ADCY5: variants seen among roughly 807,000 people sequenced by gnomAD.
ADCY5 encodes adenylate cyclase 5, also known as adenylate cyclase type 5.
Under a neutral mutation model 119.7 loss-of-function variants are expected in ADCY5, and 30 were observed. That is an observed-to-expected ratio of 0.25 (90% confidence interval 0.19 to 0.34). The LOEUF (loss-of-function observed/expected upper bound fraction) is 0.34. Ranked by LOEUF, ADCY5 falls within the 10% of genes least tolerant of loss-of-function variation. The pLI is 1.00. For missense variants in ADCY5, 1,324 were observed against 1,775.2 expected, an observed-to-expected ratio of 0.75 and a Z score of 4.57; for synonymous variants, 753 against 762.2, an observed-to-expected ratio of 0.99 and a Z score of 0.20.
chr3:123,333,572 C>T (rs761434731), intron 3 of ADCY5, among the ~76,000 whole-genome samples: 1 of 152,232 alleles, frequency 6.6e-6, no homozygotes, highest in Non-Finnish European at 1.5e-5. Context: ...CTTCTGTGCT[C>T]TAACGGCACC....
At chr3:123,410,145 C>T (rs894919980) in intron 1 of ADCY5, among the ~76,000 whole-genome samples, 4 of 152,198 alleles carry the variant, frequency 2.6e-5, no homozygotes, top group Non-Finnish European at 4.4e-5. Flanking sequence ...GCCCTCAGGG[C>T]CTCCACCAGA....
chr3:123,391,006 C>T (rs1269755487), intron 1 of ADCY5, among the ~76,000 whole-genome samples: 3 of 152,266 alleles, frequency 2.0e-5, no homozygotes, highest in Non-Finnish European at 2.9e-5. Context: ...ACAAGGACAC[C>T]GTGCTGACCC....
In ADCY5 at chr3:123,289,780, G is replaced by A; in HGVS notation, c.3502C>T (p.His1168Tyr). 6.2e-7 allele frequency: 1 copy of A among 1,614,106 alleles called. No homozygotes were observed. Among genetic ancestry groups the A allele is most frequent in the South Asian group, 1.1e-5 (1 of 91,084 alleles). Residue 1168 changes from histidine (H) to tyrosine (Y), a missense_variant, in exon 19 of 21, where the codon CAC (histidine) becomes TAC (tyrosine). His to Tyr is a moderately conservative substitution (Grantham distance 83, BLOSUM62 2). This residue lies in a region of ADCY5 where 178 missense variants were observed against 329.6 expected (regional missense o/e 0.54). Coordinates refer to ENST00000462833, the MANE Select transcript of ADCY5 (RefSeq NM_183357.3). Reference protein sequence around the residue: ...LMDQMKYINEHSFNNFQMKIG... With the variant: ...LMDQMKYINEYSFNNFQMKIG... Reference sequence around the variant, plus strand: ...TTCATCTGGAAGTTGTTGAAGGAGTGCTCATTGATGTACTTCATCTGGTCC... The same window carrying A: ...TTCATCTGGAAGTTGTTGAAGGAGTACTCATTGATGTACTTCATCTGGTCC...
intron 1 of ADCY5, among the ~76,000 whole-genome samples, chr3:123,405,255 G>A (rs759428814): frequency 3.3e-5 from 5 of 152,330 alleles, no homozygotes; most frequent in Admixed American, 6.5e-5. Flanking sequence ...CCAGCCCTCC[G>A]CCAGGCTGCA....
Position 123,300,253 on chromosome 3 carries a change from C to G in ADCY5, c.2767G>C (p.Val923Leu). 6.2e-7 allele frequency: 1 copy of G among 1,613,648 alleles called. No individual in the cohort carries two copies. The highest frequency in any genetic ancestry group is 8.5e-7 in the Non-Finnish European group (1 of 1,180,048). ...SVLLSLLACSVFLQISCIGKL... is the reference protein window; with the variant it reads ...SVLLSLLACSLFLQISCIGKL... ...CCGATGCAGCTGATCTGCAGGAACA[C>G]GGAGCAGGCCAGCAGGCTGAGCAGC... The change falls in exon 15 of 21, where the codon GTG (valine) becomes CTG (leucine). Residue 923 changes from valine to leucine, a missense_variant. Coordinates refer to ENST00000462833, the MANE Select transcript of ADCY5 (RefSeq NM_183357.3).
chr3:123,302,558 G>A (rs906738223), intron 14 of ADCY5, among the ~76,000 whole-genome samples: 3 of 152,020 alleles, frequency 2.0e-5, no homozygotes, highest in Non-Finnish European at 4.4e-5. Context: ...GGTGGGGTAG[G>A]GTCTGCTACA....
At chr3:123,381,607 T>C (rs1303761180) in intron 1 of ADCY5, among the ~76,000 whole-genome samples, 1 of 152,256 alleles carries the variant, frequency 6.6e-6, no homozygotes, top group African/African-American at 2.4e-5. Context: ...ACTCTGTTGT[T>C]TCTGTCTTAA....
chr3:123,314,877 G>A (rs570495392), intron 11 of ADCY5, among the ~76,000 whole-genome samples: 9 of 149,988 alleles, frequency 6.0e-5, no homozygotes, highest in African/African-American at 7.6e-5. Context: ...ATCTCTAAGC[G>A]CCACCCCCTT....
At chr3:123,344,655 G>A (rs889231346) in intron 3 of ADCY5, among the ~76,000 whole-genome samples, 1 of 152,048 alleles carries the variant, frequency 6.6e-6, no homozygotes, top group East Asian at 1.9e-4. Flanking sequence ...ACTGTGCCCC[G>A]CCCCATGAGC....
In ADCY5 at chr3:123,284,467, C is replaced by G. The variant is rs1048578857; in HGVS notation, c.*141G>C. 106 of 1,352,652 alleles carry G rather than the reference C, an allele frequency of 7.8e-5. No individual in the cohort carries two copies. In the African/African-American group the frequency reaches 1.4e-3, roughly 18 times the overall value. 83.8% of individuals were successfully genotyped at this position (1,352,652 alleles called of 1,614,324 possible). On this transcript the variant is annotated 3_prime_UTR_variant, in exon 21 of 21. Coordinates refer to ENST00000462833, the MANE Select transcript of ADCY5 (RefSeq NM_183357.3). The stretch of plus-strand genomic sequence containing the variant: ...CGCTGCCCACCAGCAAAGGCAGAAG[C>G]TGCTCTGGAGTCCAAGTGGAAAATC...
In ADCY5 at chr3:123,448,147, C is replaced by G. The variant is rs1287508738; in HGVS notation, c.399G>C (p.Ala133=). 9.7e-7 allele frequency: 1 copy of G among 1,031,982 alleles called. No individual in the cohort carries two copies. Among genetic ancestry groups the G allele is most frequent in the Non-Finnish European group, 1.2e-6 (1 of 865,904 alleles). The allele number at this position is 1,031,982 out of a possible 1,614,324, so 63.9% of individuals were successfully genotyped here. A position where few individuals can be genotyped will look rare whatever the true frequency, so the allele number is the denominator to read the frequency against. Residue 133 remains alanine, a synonymous_variant, in exon 1 of 21, where the codon GCG becomes GCC. Coordinates refer to ENST00000462833, the MANE Select transcript of ADCY5 (RefSeq NM_183357.3). ...CCGCCGCCGAGCCGCCGCCGCCGCC[C>G]GCAGGGGGCGCCCGGGTGCTGCCCC... ...ASGGSTRAPP[A]GGGGGSAAAA...
At chr3:123,362,388 T>A (rs1379350316) in intron 1 of ADCY5, among the ~76,000 whole-genome samples, 1 of 152,226 alleles carries the variant, frequency 6.6e-6, no homozygotes, top group Non-Finnish European at 1.5e-5. Context: ...GTGGTTTTAA[T>A]GCCCTTAAAT....
chr3:123,385,284 G>GACACACAC (rs146450872), intron 1 of ADCY5, among the ~76,000 whole-genome samples: 12,150 of 141,996 alleles, frequency 0.086, 585 homozygotes, highest in Middle Eastern at 0.16. Context: ...GTCCACTGCA[G>GACACACAC]ACACACACGC....
intron 1 of ADCY5, chr3:123,419,203 T>G: frequency 1.0e-6 from 1 of 985,396 alleles, no homozygotes; most frequent in Non-Finnish European, 1.2e-6. Context: ...AGGCCCTCCA[T>G]GCATCTGACG....
chr3:123,381,844 T>C (rs1229926063), intron 1 of ADCY5, among the ~76,000 whole-genome samples: 2 of 152,166 alleles, frequency 1.3e-5, no homozygotes, highest in African/African-American at 4.8e-5. Flanking sequence ...CTTGGGCCTG[T>C]ACTCTCTTTT....
At chr3:123,302,937 T>G in intron 14 of ADCY5, 118 bp downstream of exon 14, 1 of 1,277,728 alleles carries the variant, frequency 7.8e-7, no homozygotes, top group Non-Finnish European at 1.1e-6. Context: ...AGCAGGCCTC[T>G]AGAAGACAGT....
chr3:123,345,325 G>A (rs1318878084), intron 3 of ADCY5, among the ~76,000 whole-genome samples: 1 of 152,276 alleles, frequency 6.6e-6, no homozygotes, highest in African/African-American at 2.4e-5. Context: ...GTTGGCCGAG[G>A]CAGGCTGGGA....
At position 123,449,008 on chromosome 3, in the gene ADCY5, G is replaced by T; in HGVS notation, c.-463C>A. 1 of 157,126 alleles carries T rather than the reference G, an allele frequency of 6.4e-6. No individual in the cohort carries two copies. Among genetic ancestry groups the T allele is most frequent in the South Asian group, 1.9e-4 (1 of 5,292 alleles). 9.7% of individuals were successfully genotyped at this position (157,126 alleles called of 1,614,324 possible). A position where few individuals can be genotyped will look rare whatever the true frequency, so the allele number is the denominator to read the frequency against. On this transcript the variant is annotated 5_prime_UTR_variant, in exon 1 of 21. Transcript: ENST00000462833. ...CGGAGCCCAGCTGCTCTCGGGGCTC[G>T]GCGGCGGCGAGGGCGGCTCGGCGGG...
chr3:123,363,279 AAAG>A (rs1943323432), intron 1 of ADCY5, among the ~76,000 whole-genome samples: 1 of 103,266 alleles, frequency 9.7e-6, no homozygotes, highest in Non-Finnish European at 2.4e-5. Flanking sequence ...ACTAGTAAGC[AAAG>A]AAATAACAAT....
Sources: gnomAD v4.1 joint callset for allele counts (sites outside exome capture counted in the v4.1 genomes callset) on GRCh38, gnomAD v4.1.1 for gene constraint, gnomAD v4.1.1 regional missense constraint, MANE v1.5 for transcripts, NCBI Gene and HGNC (gene_info 2026-07-23, HGNC 2026-07-21) for gene names.